The following CACNA1B variants were observed in gnomAD, a reference collection of about 807,000 sequenced individuals.
CACNA1B encodes voltage-dependent N-type calcium channel subunit alpha-1B.
A neutral mutation model predicts 247.2 loss-of-function variants in CACNA1B; 70 were observed. That is an observed-to-expected ratio of 0.28 (90% CI 0.23 to 0.35). The LOEUF is 0.35. Among genes scored for constraint, CACNA1B ranks in the 10% least tolerant of loss-of-function variants. CACNA1B has a pLI of 1.00. For synonymous variants in CACNA1B, 1,231 were observed against 1,294.4 expected (o/e 0.95, Z 1.05); for missense variants, 2,367 against 3,197.4 (o/e 0.74, Z 6.26).
intron 31 of CACNA1B, among the ~76,000 whole-genome samples, chr9:138,062,694 G>A (rs137862406): frequency 2.6e-5 from 4 of 152,332 alleles, no homozygotes; most frequent in East Asian, 1.9e-4. Flanking sequence ...TGACTTCTCT[G>A]TGGAGGCTTT....
chr9:137,963,118 C>T (rs1017572892), intron 10 of CACNA1B, among the ~76,000 whole-genome samples: 1 of 152,162 alleles, frequency 6.6e-6, no homozygotes, highest in Non-Finnish European at 1.5e-5. Flanking sequence ...TGAATTGAAC[C>T]CTTTACCACT....
At chr9:137,910,181 G>A (rs983041103) in intron 3 of CACNA1B, among the ~76,000 whole-genome samples, 3 of 152,162 alleles carry the variant, frequency 2.0e-5, no homozygotes, top group Non-Finnish European at 4.4e-5. Context: ...TCGGCCATTT[G>A]TGTATCTTCT....
chr9:138,070,605 T>C (rs545930387), intron 32 of CACNA1B, among the ~76,000 whole-genome samples: 1 of 152,332 alleles, frequency 6.6e-6, no homozygotes, highest in African/African-American at 2.4e-5. Flanking sequence ...AGTGAATGTT[T>C]GTGATACAGC....
rs1384667511 is a variant in CACNA1B at position 138,078,098 on chromosome 9, C to T, written c.4950-16C>T. ...AAGGGCCTCTGTGGGCCTCACAACT[C>T]TGCCCTTCTTCTCAGGAGCGCCACG... On this transcript the variant is annotated splice_polypyrimidine_tract_variant and intron_variant, in intron 35 of 46. Coordinates refer to ENST00000371372, the MANE Select transcript of CACNA1B (RefSeq NM_000718.4). The T allele has an allele frequency of 2.5e-6, 4 of 1,612,448 alleles. No individual in the cohort carries two copies. The highest frequency in any genetic ancestry group is 3.4e-6 in the Non-Finnish European group (4 of 1,179,266).
intron 15 of CACNA1B, among the ~76,000 whole-genome samples, chr9:137,991,122 G>A (rs1233410002): frequency 1.3e-5 from 2 of 152,134 alleles, no homozygotes; most frequent in African/African-American, 4.8e-5. Flanking sequence ...AATTCTGAAG[G>A]TCAATTATTA....
In CACNA1B at chr9:138,057,866, C is replaced by A; in HGVS notation, c.4103C>A (p.Pro1368His). ...LFTVSTGEGW[P>H]MVLKHSVDAT... ...ACAGTGTCCACGGGAGAAGGCTGGC[C>A]CATGTGAGTGCTCATCCTGCTCTCC... The change falls in exon 27 of 47, where the codon CCC (proline) becomes CAC (histidine). Residue 1368 changes from proline to histidine, a missense_variant. Coordinates refer to ENST00000371372, the MANE Select transcript of CACNA1B (RefSeq NM_000718.4). The surrounding 1 kb of genome is among the most constrained non-coding windows in gnomAD (Gnocchi z 4.0). 6.2e-7 allele frequency: 1 copy of A among 1,601,862 alleles called. No homozygotes were observed. The highest frequency in any genetic ancestry group is 1.1e-5 in the South Asian group (1 of 90,570).
chr9:137,928,713 A>G (rs1957578304), intron 6 of CACNA1B, among the ~76,000 whole-genome samples: 1 of 152,208 alleles, frequency 6.6e-6, no homozygotes, highest in Non-Finnish European at 1.5e-5. Context: ...TTGTGCAGCC[A>G]TCATTGTTAT....
chr9:137,917,341 T>C lies in CACNA1B; in HGVS notation c.876T>C (p.Phe292=), dbSNP rs1957423787. 1.2e-6 allele frequency: 2 copies of C among 1,613,896 alleles called. No homozygotes were observed. Among genetic ancestry groups the C allele is most frequent in the South Asian group, 1.1e-5 (1 of 91,092 alleles). ...GGGAGTACTGGCCAGGACCCAACTT[T>C]GGCATCACCAACTTTGACAATATCC... is the stretch of plus-strand genomic sequence containing the variant. ...ECREYWPGPN[F]GITNFDNILF... Residue 292 remains phenylalanine (F), a synonymous_variant, in exon 6 of 47, where the codon TTT becomes TTC. Transcript: ENST00000371372. The surrounding 1 kb of genome is among the most constrained non-coding windows in gnomAD (Gnocchi z 5.5).
At chr9:138,041,990 A>C (rs917224288) in intron 20 of CACNA1B, among the ~76,000 whole-genome samples, 1 of 152,060 alleles carries the variant, frequency 6.6e-6, no homozygotes, top group Non-Finnish European at 1.5e-5. Flanking sequence ...TCGTTGCTTG[A>C]GACTCCTGGA....
Position 137,950,419 on chromosome 9 carries a change from C to T in CACNA1B, c.967-1855C>T, listed in dbSNP as rs1166364716. Among the ~76,000 whole-genome samples, 1 of 152,186 alleles carries T rather than the reference C, an allele frequency of 6.6e-6. No homozygotes were observed. The highest frequency in any genetic ancestry group is 1.9e-4 in the East Asian group (1 of 5,198). On this transcript the variant is annotated intron_variant, in intron 6 of 46. Transcript: ENST00000371372. The surrounding 1 kb of genome is among the most constrained non-coding windows in gnomAD (Gnocchi z 4.8). ...TCCCGTGTGGTCTTCACTAGTACCG[C>T]GGAGGTGGGCTTGGGCTGGGGGGCC... is the stretch of plus-strand genomic sequence containing the variant.
rs1206782110 is a variant in CACNA1B, at chr9:138,051,533, T to C, written c.3711-559T>C. On this transcript the variant is annotated intron_variant, in intron 24 of 46. Transcript: ENST00000371372. The surrounding 1 kb of genome is among the most constrained non-coding windows in gnomAD (Gnocchi z 4.3). ...CACCATGCCTCTTGCATTGCCTCTG[T>C]ATTCGTCCGACTTTTTCTCTTTCTT... Among the ~76,000 whole-genome samples, 1 of 146,442 alleles carries C rather than the reference T, an allele frequency of 6.8e-6. No homozygotes were observed. The highest frequency in any genetic ancestry group is 6.8e-5 in the Admixed American group (1 of 14,792).
In CACNA1B at chr9:138,059,771, C is replaced by T. The variant is rs772048181; in HGVS notation, c.4668+34C>T. The stretch of plus-strand genomic sequence containing the variant: ...CATTTCTGTCCCTCCTTCAGGGTCC[C>T]CAGGTGGTTTCCTTCTAGAGCCTGC... On this transcript the variant is annotated intron_variant, in intron 31 of 46. Coordinates refer to ENST00000371372, the MANE Select transcript of CACNA1B (RefSeq NM_000718.4). This position sits in a 1 kb window ranked among gnomAD's most constrained non-coding sequence, Gnocchi z 4.2. The T allele has an allele frequency of 7.6e-7, 1 of 1,313,698 alleles. No individual in the cohort carries two copies. Among genetic ancestry groups the T allele is most frequent in the East Asian group, 2.3e-5 (1 of 43,480 alleles). The allele number at this position is 1,313,698 out of a possible 1,614,324, so 81.4% of individuals were successfully genotyped here.
chr9:137,917,323 C>G lies in CACNA1B; in HGVS notation c.858C>G (p.Tyr286Ter), dbSNP rs1328366410. The change falls in exon 6 of 47, where the codon TAC becomes TAG. Residue 286 changes from tyrosine (Y) to a stop codon, truncating the protein, a stop_gained. Transcript: ENST00000371372. LOFTEE classifies it high-confidence loss of function. The surrounding 1 kb of genome is among the most constrained non-coding windows in gnomAD (Gnocchi z 5.5). ...AGGGCGACACTGAGTGCCGGGAGTA[C>G]TGGCCAGGACCCAACTTTGGCATCA... ...LCEGDTECRE[Y>*]WPGPNFGITN... 1 of 1,613,882 alleles carries G rather than the reference C, an allele frequency of 6.2e-7. No individual in the cohort carries two copies. The highest frequency in any genetic ancestry group is 8.5e-7 in the Non-Finnish European group (1 of 1,179,890).
At chr9:137,966,554 A>T (rs1422562198) in intron 10 of CACNA1B, among the ~76,000 whole-genome samples, 1 of 106,462 alleles carries the variant, frequency 9.4e-6, no homozygotes. Context: ...TTATTTTTTT[A>T]ATGAGACGGA....
Position 137,914,920 on chromosome 9 carries a change from G to A in CACNA1B, c.775+114G>A, listed in dbSNP as rs767201319. 8 of 1,134,066 alleles carry A rather than the reference G, an allele frequency of 7.1e-6. No individual in the cohort carries two copies. The highest frequency in any genetic ancestry group is 9.8e-6 in the Non-Finnish European group (8 of 813,300). 70.3% of individuals were successfully genotyped at this position (1,134,066 alleles called of 1,614,324 possible). A position where few individuals can be genotyped will look rare whatever the true frequency, so the allele number is the denominator to read the frequency against. ...CTTCTTGGTGCCAGATACATGAGGT[G>A]GAGCTGACATTCTAGTGGGGGACAT... On this transcript the variant is annotated intron_variant, in intron 5 of 46. Coordinates refer to ENST00000371372, the MANE Select transcript of CACNA1B (RefSeq NM_000718.4). The surrounding 1 kb of genome is among the most constrained non-coding windows in gnomAD (Gnocchi z 4.3).
rs565124263 is a variant in CACNA1B, at chr9:137,981,466, G to A, written c.1657-2672G>A. ...ATCTCTTGAGGTTGATCCCCTGGTT[G>A]ATTAAGCATGTTTTCTACCTTTTTT... On this transcript the variant is annotated intron_variant, in intron 12 of 46. Transcript: ENST00000371372. Among the ~76,000 whole-genome samples, 6 of 152,102 alleles carry A rather than the reference G, an allele frequency of 3.9e-5. No individual in the cohort carries two copies. In the South Asian group the frequency reaches 1.2e-3, roughly 32 times the overall value.
chr9:137,916,983 A>G (rs926342480), intron 5 of CACNA1B, among the ~76,000 whole-genome samples: 6 of 152,060 alleles, frequency 3.9e-5, no homozygotes, highest in Admixed American at 1.3e-4. Context: ...CCCACCATCA[A>G]GTGATGGTGG....
intron 6 of CACNA1B, among the ~76,000 whole-genome samples, chr9:137,942,838 T>C (rs570666394): frequency 8.5e-5 from 13 of 152,280 alleles, no homozygotes; most frequent in African/African-American, 2.6e-4. Flanking sequence ...GGGTGAGAGA[T>C]AAAAGACTAC....
rs1959227666 is a variant in CACNA1B, at chr9:138,050,150, GTCATT to G, written c.3710+840_3710+844del. The G allele has an allele frequency of 1.7e-6, 2 of 1,196,012 alleles. No homozygotes were observed. The highest frequency in any genetic ancestry group is 2.5e-5 in the South Asian group (2 of 79,208). The allele number at this position is 1,196,012 out of a possible 1,614,324, so 74.1% of individuals were successfully genotyped here. Reference sequence around the variant, plus strand: ...ACAGCATTCCAGCAGCCCCTCTTGGGTCATTTCATCTCCAGCCTCACCCCCCGCCC... The same window carrying G: ...ACAGCATTCCAGCAGCCCCTCTTGGGTCATCTCCAGCCTCACCCCCCGCCC... On this transcript the variant is annotated intron_variant, in intron 24 of 46. Transcript: ENST00000371372. This position sits in a 1 kb window ranked among gnomAD's most constrained non-coding sequence, Gnocchi z 5.2.
Sources: allele counts gnomAD v4.1 joint callset (sites outside exome capture counted in the v4.1 genomes callset), GRCh38; gene constraint gnomAD v4.1.1; non-coding constraint Gnocchi (gnomAD v3.1); transcripts MANE v1.5; gene names NCBI Gene and HGNC (gene_info 2026-07-23, HGNC 2026-07-21).